The following SCLT1 variants were observed in gnomAD, a reference collection of about 807,000 sequenced individuals.
The protein encoded by SCLT1 is sodium channel-associated protein 1.
Under a neutral mutation model 112.8 loss-of-function variants are expected in SCLT1, and 78 were observed. The observed-to-expected ratio is 0.69, with a 90% CI of 0.58 to 0.83. SCLT1 has a LOEUF of 0.83. Among genes scored for constraint, SCLT1 ranks in the 40% least tolerant of loss-of-function variants. The pLI is 0.00. For synonymous variants in SCLT1, 257 were observed against 254.7 expected (o/e 1.01, Z -0.09); for missense variants, 747 against 770.4 (o/e 0.97, Z 0.36).
chr4:129,040,454 A>AG (rs921142734), intron 4 of SCLT1, among the ~76,000 whole-genome samples: 8 of 152,342 alleles, frequency 5.3e-5, no homozygotes, highest in Admixed American at 2.0e-4. Context: ...GCACGATCAC[A>AG]GCCCACTGCA....
At chr4:129,075,556 C>A (rs1227676821) in intron 2 of SCLT1, among the ~76,000 whole-genome samples, 1 of 152,072 alleles carries the variant, frequency 6.6e-6, no homozygotes, top group Non-Finnish European at 1.5e-5. Context: ...GCATATATAA[C>A]TATTTAAATC....
intron 15 of SCLT1, 123 bp downstream of exon 15, chr4:128,948,373 A>AAAATT: frequency 1.7e-6 from 2 of 1,176,624 alleles, no homozygotes; most frequent in Non-Finnish European, 2.2e-6. Flanking sequence ...AAGAAAAGAA[A>AAAATT]AACTTACCAG....
chr4:128,894,393 CACACACACACACACACACACAG>C (rs2125926783), intron 18 of SCLT1, among the ~76,000 whole-genome samples: 2 of 111,856 alleles, frequency 1.8e-5, no homozygotes, highest in Admixed American at 1.8e-4. Flanking sequence ...CACACACACA[CACACACACACACACACACACAG>C]AGTATATGTG....
At chr4:129,034,703 T>C (rs1747029700) in intron 5 of SCLT1, among the ~76,000 whole-genome samples, 1 of 150,514 alleles carries the variant, frequency 6.6e-6, no homozygotes, top group African/African-American at 2.5e-5. Flanking sequence ...TATTAGGGAT[T>C]AGTAAACTTT....
chr4:128,955,824 A>T (rs530528705), intron 13 of SCLT1, among the ~76,000 whole-genome samples: 4 of 152,310 alleles, frequency 2.6e-5, no homozygotes, highest in East Asian at 3.9e-4. Flanking sequence ...AAGTTTACTT[A>T]AAAAAATCAA....
At chr4:128,982,366 C>T (rs188760491) in intron 9 of SCLT1, among the ~76,000 whole-genome samples, 1 of 152,302 alleles carries the variant, frequency 6.6e-6, no homozygotes, top group East Asian at 1.9e-4. Context: ...ATTATAAAGA[C>T]TGTTTCTACC....
chr4:129,071,297 G>T (rs1055345961), intron 2 of SCLT1, among the ~76,000 whole-genome samples: 2 of 152,098 alleles, frequency 1.3e-5, no homozygotes, highest in Non-Finnish European at 2.9e-5. Flanking sequence ...AAGTCCATTT[G>T]TTCCAAGGTA....
chr4:129,063,203 T>C (rs1303426394), intron 2 of SCLT1, among the ~76,000 whole-genome samples: 1 of 152,248 alleles, frequency 6.6e-6, no homozygotes, highest in East Asian at 1.9e-4. Flanking sequence ...TTAACTGTAT[T>C]ACGTTGCTAT....
chr4:128,962,386 C>T (rs1739815038), intron 11 of SCLT1, among the ~76,000 whole-genome samples: 1 of 152,128 alleles, frequency 6.6e-6, no homozygotes. Flanking sequence ...CATTTCTAAC[C>T]TGTGTTACAG....
chr4:129,030,584 AAG>A (rs759944765), intron 5 of SCLT1, among the ~76,000 whole-genome samples: 5 of 152,128 alleles, frequency 3.3e-5, no homozygotes, highest in Non-Finnish European at 5.9e-5. Context: ...TAAAGAAGAA[AAG>A]AGAGAAGAAT....
chr4:129,075,412 C>G (rs573037857), intron 2 of SCLT1, among the ~76,000 whole-genome samples: 6 of 152,108 alleles, frequency 3.9e-5, no homozygotes, highest in Non-Finnish European at 7.4e-5. Flanking sequence ...AACTTACAGT[C>G]AACTCCCTGT....
chr4:129,063,889 C>T (rs1455086975), intron 2 of SCLT1, among the ~76,000 whole-genome samples: 1 of 152,312 alleles, frequency 6.6e-6, no homozygotes, highest in African/African-American at 2.4e-5. Context: ...TCACTATGCT[C>T]TCACTTCCCT....
chr4:128,945,968 T>C (rs756724649), intron 16 of SCLT1, 39 bp downstream of exon 16: 7 of 1,449,716 alleles, frequency 4.8e-6, no homozygotes, highest in South Asian at 3.8e-5. Context: ...GTGTGAATTC[T>C]GAAGATGTTA....
intron 5 of SCLT1, among the ~76,000 whole-genome samples, chr4:129,035,588 C>A (rs1409046195): frequency 1.3e-5 from 2 of 152,020 alleles, no homozygotes; most frequent in Admixed American, 1.3e-4. Context: ...GTCTTCCATA[C>A]CCTCAACAGT....
chr4:129,086,878 A>T (rs1413999139), intron 1 of SCLT1, among the ~76,000 whole-genome samples: 1 of 152,142 alleles, frequency 6.6e-6, no homozygotes, highest in Non-Finnish European at 1.5e-5. Flanking sequence ...CAACTTGAAT[A>T]GGACTTCTGC....
chr4:129,063,408 A>T (rs1750170611), intron 2 of SCLT1, among the ~76,000 whole-genome samples: 2 of 152,208 alleles, frequency 1.3e-5, no homozygotes, highest in South Asian at 4.1e-4. Context: ...CTTTCTTTGG[A>T]TCCCATTAAA....
chr4:128,915,047 C>T (rs988354433), intron 18 of SCLT1, among the ~76,000 whole-genome samples: 4 of 152,020 alleles, frequency 2.6e-5, no homozygotes, highest in African/African-American at 9.7e-5. Context: ...CTGGCTAGCA[C>T]ACTCCTTTAA....
intron 16 of SCLT1, among the ~76,000 whole-genome samples, chr4:128,943,964 C>T (rs1737927171): frequency 6.6e-6 from 1 of 152,058 alleles, no homozygotes; most frequent in African/African-American, 2.4e-5. Context: ...CAGAAAAATA[C>T]TTAAAATTCT....
In SCLT1 at chr4:129,021,743, C is replaced by T. The variant is rs574624405; in HGVS notation, c.290+17298G>A. 7.9e-5 allele frequency among the ~76,000 whole-genome samples: 12 copies of T among 152,320 alleles called. No homozygotes were observed. In the South Asian group the frequency reaches 8.3e-4, roughly 11 times the overall value. On this transcript the variant is annotated intron_variant, in intron 5 of 20. Transcript: ENST00000281142. ...TGGGCACAGCTTCAGCAGATTTAAT[C>T]GTTCCTGCCTGCCGGTTGTGAAGAA...
Sources: gnomAD v4.1 joint callset for allele counts (sites outside exome capture counted in the v4.1 genomes callset) on GRCh38, gnomAD v4.1.1 for gene constraint, MANE v1.5 for transcripts, NCBI Gene and HGNC (gene_info 2026-07-23, HGNC 2026-07-21) for gene names.